GPX3: variants seen among roughly 807,000 people sequenced by gnomAD.
GPX3 encodes the protein GPx-3.
In GPX3, 22 loss-of-function variants were observed where a neutral mutation model predicts 25.1. That is an observed-to-expected ratio of 0.88 (90% CI 0.63 to 1.25). The LOEUF (loss-of-function observed/expected upper bound fraction) is 1.25. Among genes scored for constraint, GPX3 ranks in the 50% most tolerant of loss-of-function variants. The probability of loss-of-function intolerance (pLI) is 0.00; values close to 1 mark genes in which losing one functional copy is unlikely to be tolerated. For synonymous variants in GPX3, 110 were observed against 114.5 expected (o/e 0.96, Z 0.25); for missense variants, 278 against 286.6 (o/e 0.97, Z 0.22).
intron 1 of GPX3, 92 bp from the exon 2 acceptor site, chr5:151,025,248 C>G: frequency 1.9e-6 from 2 of 1,040,856 alleles, no homozygotes; most frequent in Non-Finnish European, 2.7e-6. Context: ...GAGAAAGTCA[C>G]TCTCTCTGTT....
rs775803002 is a variant in GPX3 at position 151,026,989 on chromosome 5, G to C, written c.331G>C (p.Glu111Gln). The C allele has an allele frequency of 1.3e-5, 21 of 1,613,644 alleles. No individual in the cohort carries two copies. Among genetic ancestry groups the C allele is most frequent in the Non-Finnish European group, 1.7e-5 (20 of 1,179,630 alleles). The stretch of plus-strand genomic sequence containing the variant: ...CCAATTTGGAAAACAGGAACCAGGA[G>C]AGAACTCAGAGATCCTTCCTACCCT... ...CNQFGKQEPG[E>Q]NSEILPTLKY... The change falls in exon 3 of 5, where the codon GAG becomes CAG. Residue 111 changes from glutamate (E) to glutamine (Q), a missense_variant. Glu to Gln is a conservative substitution (Grantham distance 29, BLOSUM62 2). Transcript: ENST00000388825.
In GPX3 at chr5:151,028,152, G is replaced by A; in HGVS notation, c.*22G>A. ...GTAACTGAAGGCCGTCTCATCCCAT[G>A]TCCACCATGTAGGGGAGGGACTTTG... On this transcript the variant is annotated 3_prime_UTR_variant, in exon 5 of 5. Coordinates refer to ENST00000388825, the MANE Select transcript of GPX3 (RefSeq NM_002084.5). 1 of 1,545,432 alleles carries A rather than the reference G, an allele frequency of 6.5e-7. No homozygotes were observed. Among genetic ancestry groups the A allele is most frequent in the Non-Finnish European group, 8.8e-7 (1 of 1,140,294 alleles).
At position 151,020,646 on chromosome 5, in the gene GPX3, C is replaced by A; in HGVS notation, c.-9C>A. 1 of 1,604,274 alleles carries A rather than the reference C, an allele frequency of 6.2e-7. No homozygotes were observed. Among genetic ancestry groups the A allele is most frequent in the Non-Finnish European group, 8.5e-7 (1 of 1,176,696 alleles). The stretch of plus-strand genomic sequence containing the variant: ...GCTCAGGCGACCCTGAGTGTGCCCC[C>A]ACCCCGCCATGGCCCGGCTGCTGCA... On this transcript the variant is annotated 5_prime_UTR_variant, in exon 1 of 5. Coordinates refer to ENST00000388825, the MANE Select transcript of GPX3 (RefSeq NM_002084.5).
In GPX3 at chr5:151,021,155, T is replaced by A. The variant is rs73270669; in HGVS notation, c.87+414T>A. 1,767 of 235,302 alleles carry A rather than the reference T, an allele frequency of 7.5e-3. 41 individuals carry two copies. The highest frequency in any genetic ancestry group is 0.039 in the African/African-American group (1,638 of 42,262). The allele number at this position is 235,302 out of a possible 1,614,324, so 14.6% of individuals were successfully genotyped here. A position where few individuals can be genotyped will look rare whatever the true frequency, so the allele number is the denominator to read the frequency against. ...CAGCGTCTGGGTGGGCTGTGCAAGT[T>A]CCCAGGGAGAGAGACAAGGAGAAAG... On this transcript the variant is annotated intron_variant, in intron 1 of 4. Transcript: ENST00000388825.
chr5:151,025,735 AC>A, intron 2 of GPX3, among the ~76,000 whole-genome samples: 1 of 152,164 alleles, frequency 6.6e-6, no homozygotes. Context: ...CACCTCAACA[AC>A]CCTAAAGGCA....
chr5:151,022,929 G>C (rs3792796), intron 1 of GPX3, among the ~76,000 whole-genome samples: 75,956 of 151,932 alleles, frequency 0.5, 21,179 homozygotes, highest in Non-Finnish European at 0.63. Context: ...GGGTCACATG[G>C]CATCAGAGAC....
intron 1 of GPX3, 77 bp downstream of exon 1, chr5:151,020,818 C>A: frequency 2.3e-6 from 3 of 1,324,360 alleles, no homozygotes; most frequent in Non-Finnish European, 3.2e-6. Context: ...CAATGCACCC[C>A]TTTTCCCAGG....
rs1255405884 is a variant in GPX3 at position 151,020,627 on chromosome 5, G to A, written c.-28G>A. On this transcript the variant is annotated 5_prime_UTR_variant, in exon 1 of 5. Transcript: ENST00000388825. Reference sequence around the variant, plus strand: ...GGCCAGGGATCAGGCAGCGGCTCAGGCGACCCTGAGTGTGCCCCCACCCCG... The same window carrying A: ...GGCCAGGGATCAGGCAGCGGCTCAGACGACCCTGAGTGTGCCCCCACCCCG... 5 of 1,586,334 alleles carry A rather than the reference G, an allele frequency of 3.2e-6. No homozygotes were observed. The highest frequency in any genetic ancestry group is 3.4e-6 in the Non-Finnish European group (4 of 1,166,990).
At chr5:151,024,435 G>C (rs8177431) in intron 1 of GPX3, among the ~76,000 whole-genome samples, 1 of 151,994 alleles carries the variant, frequency 6.6e-6, no homozygotes, top group African/African-American at 2.4e-5. Context: ...GACCTGGTTG[G>C]AGAGTTGGTT....
At position 151,028,407 on chromosome 5, in the gene GPX3, G is replaced by A. The variant is rs1003358124; in HGVS notation, c.*277G>A. 1 of 460,888 alleles carries A rather than the reference G, an allele frequency of 2.2e-6. No individual in the cohort carries two copies. The highest frequency in any genetic ancestry group is 4.0e-6 in the Non-Finnish European group (1 of 247,282). The allele number at this position is 460,888 out of a possible 1,614,324, so 28.5% of individuals were successfully genotyped here. A position where few individuals can be genotyped will look rare whatever the true frequency, so the allele number is the denominator to read the frequency against. On this transcript the variant is annotated 3_prime_UTR_variant, in exon 5 of 5. Transcript: ENST00000388825. Reference sequence around the variant, plus strand: ...TCTACCTATGTGTCTTTCTGGGAATGTGTACCATCTGTGTGCCTGCAGCTG... The same window carrying A: ...TCTACCTATGTGTCTTTCTGGGAATATGTACCATCTGTGTGCCTGCAGCTG...
At chr5:151,025,313 C>T in intron 1 of GPX3, 27 bp from the exon 2 acceptor site, 1 of 1,519,984 alleles carries the variant, frequency 6.6e-7, no homozygotes, top group South Asian at 1.3e-5. Flanking sequence ...CCAGCTCTAA[C>T]TGCTCCTTTT....
intron 1 of GPX3, 71 bp from the exon 2 acceptor site, chr5:151,025,269 A>G: frequency 1.5e-6 from 2 of 1,302,730 alleles, no homozygotes; most frequent in Non-Finnish European, 2.1e-6. Flanking sequence ...GGGATCTTTC[A>G]TTCTTTTGAA....
intron 1 of GPX3, 94 bp downstream of exon 1, chr5:151,020,835 G>A: frequency 1.7e-6 from 2 of 1,174,486 alleles, no homozygotes; most frequent in East Asian, 2.5e-5. Flanking sequence ...CAGGCTCCCC[G>A]CCAGATGGGC....
At position 151,026,931 on chromosome 5, in the gene GPX3, A is replaced by G. The variant is rs373194048; in HGVS notation, c.273A>G (p.Pro91=). Residue 91 remains proline (P), a synonymous_variant, in exon 3 of 5, where the codon CCA becomes CCG. Transcript: ENST00000388825. ...ELNALQEELA[P]FGLVILGFPC... is the part of the protein sequence containing the mutation. The stretch of plus-strand genomic sequence containing the variant: ...ATGCACTACAGGAAGAGCTTGCACC[A>G]TTCGGTCTGGTCATTCTGGGCTTTC... The G allele has an allele frequency of 1.9e-6, 3 of 1,614,142 alleles. No homozygotes were observed. The highest frequency in any genetic ancestry group is 2.5e-6 in the Non-Finnish European group (3 of 1,179,990).
intron 2 of GPX3, among the ~76,000 whole-genome samples, chr5:151,026,083 G>A (rs1476029842): frequency 3.3e-5 from 5 of 152,178 alleles, no homozygotes; most frequent in Non-Finnish European, 5.9e-5. Context: ...AGCTATTAGC[G>A]GTGGAATGGG....
At chr5:151,027,133 G>A (rs1182528348) in intron 3 of GPX3, 116 bp downstream of exon 3, 2 of 730,386 alleles carry the variant, frequency 2.7e-6, no homozygotes, top group Admixed American at 4.6e-5. Flanking sequence ...CCTCTTCTAG[G>A]ATCCCCAGTG....
At chr5:151,023,837 C>T (rs1036087100) in intron 1 of GPX3, among the ~76,000 whole-genome samples, 4 of 152,198 alleles carry the variant, frequency 2.6e-5, no homozygotes, top group Non-Finnish European at 5.9e-5. Flanking sequence ...GAATATTAGA[C>T]TCATGTAAAG....
intron 1 of GPX3, among the ~76,000 whole-genome samples, chr5:151,022,200 C>A (rs1204509685): frequency 2.0e-5 from 3 of 152,180 alleles, no homozygotes; most frequent in Non-Finnish European, 4.4e-5. Flanking sequence ...GACAGGCCAG[C>A]ACCGTGGAGT....
chr5:151,027,488 A>G lies in GPX3; in HGVS notation c.416A>G (p.Asp139Gly). Residue 139 changes from aspartate (D) to glycine (G), a missense_variant, in exon 4 of 5, where the codon GAT (aspartate) becomes GGT (glycine). Transcript: ENST00000388825. ...AATTTCCAGCTCTTTGAGAAAGGGGATGTCAATGGAGAGAAAGAGCAGAAA... is the reference window on the plus strand; with the variant it reads ...AATTTCCAGCTCTTTGAGAAAGGGGGTGTCAATGGAGAGAAAGAGCAGAAA... ...VPNFQLFEKG[D>G]VNGEKEQKFY... is the part of the protein sequence containing the mutation. 1 of 1,613,604 alleles carries G rather than the reference A, an allele frequency of 6.2e-7. No individual in the cohort carries two copies. Among genetic ancestry groups the G allele is most frequent in the Non-Finnish European group, 8.5e-7 (1 of 1,179,500 alleles).
Sources: gnomAD v4.1 joint callset for allele counts (sites outside exome capture counted in the v4.1 genomes callset) on GRCh38, gnomAD v4.1.1 for gene constraint, MANE v1.5 for transcripts, NCBI Gene and HGNC (gene_info 2026-07-23, HGNC 2026-07-21) for gene names.